The following LRRC4C variants were observed in gnomAD, a reference collection of about 807,000 sequenced individuals.
LRRC4C encodes leucine-rich repeat-containing protein 4C.
A neutral mutation model predicts 33.6 loss-of-function variants in LRRC4C; 5 were observed. The observed-to-expected ratio is 0.15, with a 90% confidence interval of 0.08 to 0.31. LRRC4C has a LOEUF of 0.31. Ranked by LOEUF, LRRC4C falls within the 10% of genes least tolerant of loss-of-function variation. The pLI, the probability that LRRC4C is intolerant of heterozygous loss-of-function variation, is 1.00. For missense variants in LRRC4C, 560 were observed against 796.7 expected (o/e 0.70, Z 3.58); for synonymous variants, 329 against 302.0 (o/e 1.09, Z -0.93).
intron 2 of LRRC4C, among the ~76,000 whole-genome samples, chr11:40,736,475 C>T (rs146091159): frequency 3.3e-5 from 5 of 152,150 alleles, no homozygotes; most frequent in Admixed American, 2.0e-4. Context: ...AATAAACATA[C>T]GTGTGCATGT....
intron 1 of LRRC4C, among the ~76,000 whole-genome samples, chr11:41,304,852 A>T (rs367906124): frequency 3.2e-4 from 11 of 34,652 alleles, no homozygotes; most frequent in Admixed American, 2.9e-4. Context: ...CAGCCGCCCC[A>T]TCCGGGAGGG....
intron 3 of LRRC4C, among the ~76,000 whole-genome samples, chr11:40,566,627 G>T (rs912787626): frequency 1.3e-5 from 2 of 151,976 alleles, no homozygotes; most frequent in African/African-American, 4.8e-5. Flanking sequence ...GAAGAGCTTG[G>T]GTCTGTTACA....
At chr11:41,169,436 C>T (rs1403383782) in intron 1 of LRRC4C, among the ~76,000 whole-genome samples, 1 of 152,128 alleles carries the variant, frequency 6.6e-6, no homozygotes, top group East Asian at 1.9e-4. Context: ...CCCAATCACT[C>T]TTCTAGATTT....
chr11:40,949,651 C>T (rs952841097), intron 1 of LRRC4C, among the ~76,000 whole-genome samples: 1 of 152,030 alleles, frequency 6.6e-6, no homozygotes, highest in African/African-American at 2.4e-5. Flanking sequence ...AAATACTTTA[C>T]AGACAAGCAA....
At chr11:40,685,245 A>T (rs1256226156) in intron 2 of LRRC4C, among the ~76,000 whole-genome samples, 2 of 152,090 alleles carry the variant, frequency 1.3e-5, no homozygotes, top group African/African-American at 2.4e-5. Flanking sequence ...TTTTAAGTAT[A>T]TGACCCCAAA....
chr11:40,823,200 T>C (rs1952014960), intron 2 of LRRC4C, among the ~76,000 whole-genome samples: 1 of 151,778 alleles, frequency 6.6e-6, no homozygotes, highest in Non-Finnish European at 1.5e-5. Flanking sequence ...ATACACCTAA[T>C]TGTAAGCATT....
chr11:40,829,649 G>A (rs1591824545), intron 2 of LRRC4C, among the ~76,000 whole-genome samples: 1 of 151,920 alleles, frequency 6.6e-6, no homozygotes, highest in Non-Finnish European at 1.5e-5. Flanking sequence ...CCAAATCGAG[G>A]TCTGTGCTGT....
rs4756645 is a variant in LRRC4C, at chr11:41,428,726, C to G, written c.-496+30705G>C. Among the ~76,000 whole-genome samples the G allele has an allele frequency of 5.5e-4, 84 of 152,070 alleles. 4 individuals carry two copies. In the East Asian group the frequency reaches 0.015, roughly 26 times the overall value. ...CTAGAGGCAGTGCTTTTTCGCTCTCCTTTTCTCTCTTCCTTTCTTTTCCCC... is the reference window on the plus strand; with the variant it reads ...CTAGAGGCAGTGCTTTTTCGCTCTCGTTTTCTCTCTTCCTTTCTTTTCCCC... On this transcript the variant is annotated intron_variant, in intron 1 of 6. Transcript: ENST00000528697.
intron 2 of LRRC4C, among the ~76,000 whole-genome samples, chr11:40,914,540 A>T (rs1276795195): frequency 6.6e-6 from 1 of 152,182 alleles, no homozygotes; most frequent in East Asian, 1.9e-4. Flanking sequence ...TATTGATGGG[A>T]CATATCTCAA....
chr11:41,052,422 A>G (rs1858300737), intron 1 of LRRC4C, among the ~76,000 whole-genome samples: 1 of 151,740 alleles, frequency 6.6e-6, no homozygotes, highest in Non-Finnish European at 1.5e-5. Flanking sequence ...CAAAGACCTT[A>G]CAGCCAAATC....
chr11:41,295,134 T>C (rs1179719162), intron 1 of LRRC4C, among the ~76,000 whole-genome samples: 1 of 152,156 alleles, frequency 6.6e-6, no homozygotes, highest in Non-Finnish European at 1.5e-5. Context: ...CATTGCAGCC[T>C]TATCCTAAAA....
intron 3 of LRRC4C, among the ~76,000 whole-genome samples, chr11:40,523,881 A>T (rs1197484416): frequency 6.6e-6 from 1 of 152,190 alleles, no homozygotes; most frequent in African/African-American, 2.4e-5. Flanking sequence ...AGTCTCTCTC[A>T]GACTTTAGGA....
chr11:40,699,871 G>A (rs1945779257), intron 2 of LRRC4C, among the ~76,000 whole-genome samples: 1 of 152,098 alleles, frequency 6.6e-6, no homozygotes, highest in Non-Finnish European at 1.5e-5. Context: ...ACTAAAATTA[G>A]AGTCTTCAAT....
At chr11:40,118,623 A>G (rs1213228993) in intron 6 of LRRC4C, among the ~76,000 whole-genome samples, 4 of 152,148 alleles carry the variant, frequency 2.6e-5, no homozygotes, top group Admixed American at 2.6e-4. Flanking sequence ...TTTTAAGCAC[A>G]GAGGGATCAG....
chr11:41,169,578 A>T (rs867112896), intron 1 of LRRC4C, among the ~76,000 whole-genome samples: 6 of 152,156 alleles, frequency 3.9e-5, no homozygotes, highest in African/African-American at 7.2e-5. Context: ...TGGTTGCAAA[A>T]TATTTTATTT....
At chr11:40,505,149 G>A (rs551775719) in intron 3 of LRRC4C, among the ~76,000 whole-genome samples, 1 of 152,222 alleles carries the variant, frequency 6.6e-6, no homozygotes, top group South Asian at 2.1e-4. Flanking sequence ...AGAAAAATAG[G>A]TAAGGAGATG....
chr11:40,947,496 T>G (rs759112377), intron 1 of LRRC4C, among the ~76,000 whole-genome samples: 23 of 152,136 alleles, frequency 1.5e-4, no homozygotes, highest in Non-Finnish European at 2.8e-4. Context: ...ACCTAGTGAA[T>G]CATGAGATTT....
intron 2 of LRRC4C, among the ~76,000 whole-genome samples, chr11:40,904,860 G>A (rs1389926149): frequency 6.6e-6 from 1 of 152,226 alleles, no homozygotes; most frequent in East Asian, 1.9e-4. Flanking sequence ...CTTTCATCAA[G>A]CCCCTACCTG....
chr11:40,254,920 C>T (rs1022106953), intron 4 of LRRC4C, among the ~76,000 whole-genome samples: 1 of 152,128 alleles, frequency 6.6e-6, no homozygotes, highest in Non-Finnish European at 1.5e-5. Flanking sequence ...GCAATTGTCC[C>T]ACCTCAGCCT....
Sources: allele counts gnomAD v4.1 joint callset (sites outside exome capture counted in the v4.1 genomes callset), GRCh38; gene constraint gnomAD v4.1.1; transcripts MANE v1.5; gene names NCBI Gene and HGNC (gene_info 2026-07-23, HGNC 2026-07-21).